The following UBAP2 variants were observed in gnomAD, a reference collection of about 807,000 sequenced individuals.
UBAP2 encodes the protein ubiquitin associated protein 2.
In UBAP2, 75 loss-of-function variants were observed where a neutral mutation model predicts 139.6. The ratio of observed to expected loss-of-function variants is 0.54; its 90% CI spans 0.45 to 0.65. The LOEUF (loss-of-function observed/expected upper bound fraction) is 0.65. UBAP2 is among the 30% of genes least tolerant of loss of function. The pLI is 0.00. For missense variants in UBAP2, 1,368 were observed against 1,369.6 expected (o/e 1.00, Z 0.02); for synonymous variants, 526 against 526.2 (o/e 1.00, Z 0.01).
At chr9:33,941,918 A>G in intron 15 of UBAP2, 56 bp from the exon 16 acceptor site, 2 of 1,193,978 alleles carry the variant, frequency 1.7e-6, no homozygotes, top group Non-Finnish European at 2.4e-6. Flanking sequence ...AGCTTCATAA[A>G]AAAAAAAAAA....
Position 34,005,578 on chromosome 9 carries a change from G to T in UBAP2, c.100-6714C>A, listed in dbSNP as rs114914366. On this transcript the variant is annotated intron_variant, in intron 2 of 28. Coordinates refer to ENST00000379238, the MANE Select transcript of UBAP2 (RefSeq NM_001370062.2). ...ATGAAAATGGAGTCTAAACTACAAG[G>T]AATATAAAACTTAACAATTAATGTC... Among the ~76,000 whole-genome samples the T allele has an allele frequency of 5.5e-3, 839 of 151,810 alleles. 11 individuals carry two copies. The highest frequency in any genetic ancestry group is 0.019 in the African/African-American group (769 of 41,388).
intron 1 of UBAP2, among the ~76,000 whole-genome samples, chr9:34,038,539 C>T (rs1826681478): frequency 6.6e-6 from 1 of 152,216 alleles, no homozygotes; most frequent in Non-Finnish European, 1.5e-5. Flanking sequence ...CCAGCCTAGG[C>T]CTCCTGAGGT....
intron 4 of UBAP2, chr9:33,995,721 T>A (rs1456355698): frequency 6.7e-6 from 1 of 148,386 alleles, no homozygotes; most frequent in African/African-American, 2.5e-5. Flanking sequence ...TAGCTTTAGC[T>A]GTATCCTTCT....
intron 12 of UBAP2, among the ~76,000 whole-genome samples, chr9:33,950,419 C>G (rs1383225153): frequency 6.6e-6 from 1 of 152,176 alleles, no homozygotes; most frequent in African/African-American, 2.4e-5. Context: ...AATACTTTGC[C>G]TTCCCTCAAG....
At chr9:34,025,261 G>A (rs1287733625) in intron 1 of UBAP2, among the ~76,000 whole-genome samples, 2 of 152,162 alleles carry the variant, frequency 1.3e-5, no homozygotes, top group East Asian at 3.9e-4. Flanking sequence ...GGAATTCAGT[G>A]TACACTTGTG....
At chr9:34,042,515 G>C (rs1372932777) in intron 1 of UBAP2, among the ~76,000 whole-genome samples, 1 of 149,042 alleles carries the variant, frequency 6.7e-6, no homozygotes, top group Non-Finnish European at 1.5e-5. Flanking sequence ...AGAACCTGCA[G>C]AGTGACTCAT....
At position 34,036,637 on chromosome 9, in the gene UBAP2, G is replaced by A. The variant is rs909953822; in HGVS notation, c.-42+12188C>T. 5.3e-5 allele frequency among the ~76,000 whole-genome samples: 8 copies of A among 152,180 alleles called. No individual in the cohort carries two copies. In the South Asian group the frequency reaches 1.5e-3, roughly 28 times the overall value. ...ACCTACATTATTCATCTGTATTCTAGCATCTAACATTGTTGACAACTGGCA... is the reference window on the plus strand; with the variant it reads ...ACCTACATTATTCATCTGTATTCTAACATCTAACATTGTTGACAACTGGCA... On this transcript the variant is annotated intron_variant, in intron 1 of 28. Transcript: ENST00000379238.
rs781701472 is a variant in UBAP2 at position 33,922,802 on chromosome 9, G to A, written c.3149C>T (p.Pro1050Leu). 22 of 1,564,618 alleles carry A rather than the reference G, an allele frequency of 1.4e-5. No homozygotes were observed. The highest frequency in any genetic ancestry group is 2.7e-5 in the African/African-American group (2 of 73,450). The stretch of plus-strand genomic sequence containing the variant: ...GCCAGGGGCCGCTCCCGAGGCCAGG[G>A]GCCCAGTGGAGCCCAAGACCGAGGG... Reference protein sequence around the residue: ...SLPSVLGSTGPLASGAAPGYA... With the variant: ...SLPSVLGSTGLLASGAAPGYA... The change falls in exon 28 of 29, where the codon CCC (proline) becomes CTC (leucine). Residue 1050 changes from proline to leucine, a missense_variant. Coordinates refer to ENST00000379238, the MANE Select transcript of UBAP2 (RefSeq NM_001370062.2).
intron 13 of UBAP2, among the ~76,000 whole-genome samples, chr9:33,945,433 G>A (rs897633995): frequency 6.6e-6 from 1 of 152,024 alleles, no homozygotes; most frequent in African/African-American, 2.4e-5. Flanking sequence ...CCGGGAGGCG[G>A]AGCTTGCAGT....
chr9:34,020,698 C>A (rs987459706), intron 1 of UBAP2, among the ~76,000 whole-genome samples: 5 of 150,248 alleles, frequency 3.3e-5, no homozygotes, highest in African/African-American at 1.2e-4. Context: ...CTGGCTCAGT[C>A]ACCCAAGCTG....
intron 2 of UBAP2, among the ~76,000 whole-genome samples, chr9:34,007,442 A>G (rs1032167004): frequency 6.6e-6 from 1 of 151,344 alleles, no homozygotes; most frequent in Non-Finnish European, 1.5e-5. Flanking sequence ...GGCTACCGTG[A>G]GCCATGTTCG....
chr9:33,943,688 T>C (rs1157297558), intron 14 of UBAP2, 99 bp from the exon 15 acceptor site: 29 of 1,101,664 alleles, frequency 2.6e-5, no homozygotes, highest in Non-Finnish European at 3.8e-5. Flanking sequence ...TCCCAGGCAA[T>C]ACTGGCAAGA....
intron 13 of UBAP2, among the ~76,000 whole-genome samples, chr9:33,945,127 C>A (rs928258868): frequency 2.1e-5 from 3 of 142,070 alleles, no homozygotes; most frequent in Middle Eastern, 7.0e-3. Context: ...AAGACCATGT[C>A]TTCATCCAAA....
rs982083584 is a variant in UBAP2, at chr9:33,996,295, T to C, written c.216A>G (p.Ile72Met). The change falls in exon 4 of 29, where the codon ATA becomes ATG. Residue 72 changes from isoleucine to methionine, a missense_variant. Physicochemically the swap from Ile to Met is conservative, Grantham distance 10. Coordinates refer to ENST00000379238, the MANE Select transcript of UBAP2 (RefSeq NM_001370062.2). ...EVTGKNQDEC[I>M]VALHDCNGDV... ...CTCCATTACAATCATGTAGGGCCAC[T>C]ATGCATTCATCCTGATTTTTCCCTG... 1.2e-6 allele frequency: 2 copies of C among 1,613,596 alleles called. No homozygotes were observed.
At chr9:33,973,623 A>G (rs368591967) in intron 6 of UBAP2, among the ~76,000 whole-genome samples, 5 of 152,240 alleles carry the variant, frequency 3.3e-5, no homozygotes, top group Admixed American at 3.3e-4. Flanking sequence ...AGGCACTGTT[A>G]AGTATCATTT....
chr9:33,955,317 G>T (rs916487705), intron 11 of UBAP2, among the ~76,000 whole-genome samples: 2 of 151,548 alleles, frequency 1.3e-5, no homozygotes, highest in African/African-American at 2.4e-5. Flanking sequence ...TCAGGATTTC[G>T]AGACCAGCCT....
At position 33,969,930 on chromosome 9, in the gene UBAP2, T is replaced by C. The variant is rs1280310813; in HGVS notation, c.679+1721A>G. 2.6e-5 allele frequency among the ~76,000 whole-genome samples: 3 copies of C among 115,008 alleles called. No individual in the cohort carries two copies. The East Asian group carries it at 8.2e-4, about 31-fold the overall frequency. The allele number at this position is 115,008 out of a possible 152,430, so 75.4% of individuals were successfully genotyped here. A position where few individuals can be genotyped will look rare whatever the true frequency, so the allele number is the denominator to read the frequency against. On this transcript the variant is annotated intron_variant, in intron 8 of 28. Coordinates refer to ENST00000379238, the MANE Select transcript of UBAP2 (RefSeq NM_001370062.2). ...AATACCGTGTATAATTCTTTTTTTTTTTTTTTTTTTTTTTTTTGAGACAGA... is the reference window on the plus strand; with the variant it reads ...AATACCGTGTATAATTCTTTTTTTTCTTTTTTTTTTTTTTTTTGAGACAGA...
chr9:34,026,622 T>C (rs1474308234), intron 1 of UBAP2, among the ~76,000 whole-genome samples: 1 of 152,094 alleles, frequency 6.6e-6, no homozygotes, highest in Admixed American at 6.6e-5. Context: ...GTAATGACAA[T>C]ACTAGCAGAA....
intron 6 of UBAP2, among the ~76,000 whole-genome samples, chr9:33,980,730 C>T (rs778200115): frequency 6.6e-5 from 10 of 151,632 alleles, no homozygotes; most frequent in Non-Finnish European, 1.0e-4. Context: ...TTGAGGTGGG[C>T]GGGTTGTTTG....
Sources: allele counts gnomAD v4.1 joint callset (sites outside exome capture counted in the v4.1 genomes callset), GRCh38; gene constraint gnomAD v4.1.1; transcripts MANE v1.5; gene names NCBI Gene and HGNC (gene_info 2026-07-23, HGNC 2026-07-21).